Variants in NKAIN2 observed in about 807,000 individuals in gnomAD.
The protein encoded by NKAIN2 is sodium/potassium transporting ATPase interacting 2.
In NKAIN2, 14 loss-of-function variants were observed where a neutral mutation model predicts 32.6. The ratio of observed to expected loss-of-function variants is 0.43; its 90% CI spans 0.28 to 0.67. NKAIN2 has a LOEUF of 0.67. Among genes scored for constraint, NKAIN2 ranks in the 30% least tolerant of loss-of-function variants. The pLI, the probability that NKAIN2 is intolerant of heterozygous loss-of-function variation, is 0.17. For missense variants in NKAIN2, 198 were observed against 258.3 expected, an observed-to-expected ratio of 0.77 and a Z score of 1.60; for synonymous variants, 80 against 87.2, an observed-to-expected ratio of 0.92 and a Z score of 0.46.
At chr6:124,019,589 A>AT (rs113571628) in intron 1 of NKAIN2, among the ~76,000 whole-genome samples, 1 of 152,070 alleles carries the variant, frequency 6.6e-6, no homozygotes, top group Admixed American at 6.6e-5. Context: ...TTTTTCTGCC[A>AT]TTTTTTTGCA....
intron 4 of NKAIN2, among the ~76,000 whole-genome samples, chr6:124,704,133 G>T (rs767947570): frequency 6.6e-6 from 1 of 151,652 alleles, no homozygotes; most frequent in Non-Finnish European, 1.5e-5. Context: ...TATAAGAAGA[G>T]GCTCACTAAC....
intron 1 of NKAIN2, among the ~76,000 whole-genome samples, chr6:124,029,624 T>C (rs1781314793): frequency 6.6e-6 from 1 of 151,912 alleles, no homozygotes; most frequent in Non-Finnish European, 1.5e-5. Flanking sequence ...AGAAGTGAGG[T>C]TTAGTATTAA....
intron 1 of NKAIN2, among the ~76,000 whole-genome samples, chr6:124,195,946 G>C (rs1790293784): frequency 6.6e-6 from 1 of 151,744 alleles, no homozygotes; most frequent in South Asian, 2.1e-4. Flanking sequence ...ACTGATATTA[G>C]CCCAATTTTC....
intron 1 of NKAIN2, among the ~76,000 whole-genome samples, chr6:123,827,501 A>C (rs1321863612): frequency 1.3e-5 from 2 of 152,192 alleles, no homozygotes; most frequent in Non-Finnish European, 2.9e-5. Context: ...TAAATTCAGC[A>C]TCAGCCAGTA....
chr6:124,603,221 C>T (rs757538363), intron 3 of NKAIN2, among the ~76,000 whole-genome samples: 1 of 151,906 alleles, frequency 6.6e-6, no homozygotes, highest in Non-Finnish European at 1.5e-5. Context: ...TTCATGCATC[C>T]TAGTATTTTC....
At chr6:124,264,381 CAAT>C (rs549648000) in intron 1 of NKAIN2, among the ~76,000 whole-genome samples, 166 of 152,174 alleles carry the variant, frequency 1.1e-3, no homozygotes, top group Non-Finnish European at 1.2e-3. Context: ...GTATGGAAAA[CAAT>C]AAGCCATAGT....
chr6:124,255,186 G>T (rs535194251), intron 1 of NKAIN2, among the ~76,000 whole-genome samples: 1 of 152,256 alleles, frequency 6.6e-6, no homozygotes, highest in South Asian at 2.1e-4. Flanking sequence ...ATATTTTAGT[G>T]CTGTGATAAA....
At chr6:123,974,121 G>A (rs1778451256) in intron 1 of NKAIN2, among the ~76,000 whole-genome samples, 1 of 152,084 alleles carries the variant, frequency 6.6e-6, no homozygotes, top group African/African-American at 2.4e-5. Context: ...ATCAGAATGA[G>A]AACATCCTAA....
chr6:124,164,121 A>T (rs1788410758), intron 1 of NKAIN2, among the ~76,000 whole-genome samples: 1 of 152,142 alleles, frequency 6.6e-6, no homozygotes, highest in African/African-American at 2.4e-5. Flanking sequence ...GTGAAAACTC[A>T]AAAGTTAGAA....
chr6:124,772,384 G>A (rs1328086612), intron 4 of NKAIN2, among the ~76,000 whole-genome samples: 1 of 152,148 alleles, frequency 6.6e-6, no homozygotes, highest in Admixed American at 6.5e-5. Context: ...AGTTAAGGGG[G>A]AAGAGGACTC....
At chr6:124,721,151 T>C (rs1775996217) in intron 4 of NKAIN2, among the ~76,000 whole-genome samples, 1 of 151,998 alleles carries the variant, frequency 6.6e-6, no homozygotes. Context: ...GCGCGGTGGC[T>C]CACGCCTGTA....
At chr6:124,094,541 A>C (rs1157471347) in intron 1 of NKAIN2, among the ~76,000 whole-genome samples, 1 of 152,170 alleles carries the variant, frequency 6.6e-6, no homozygotes, top group African/African-American at 2.4e-5. Context: ...TGAGGTAAGA[A>C]GAGTAAAGAA....
At chr6:124,595,576 T>G (rs978470499) in intron 3 of NKAIN2, among the ~76,000 whole-genome samples, 1 of 152,218 alleles carries the variant, frequency 6.6e-6, no homozygotes, top group Non-Finnish European at 1.5e-5. Flanking sequence ...AGCTTGTCTC[T>G]AGATATCCTC....
At chr6:124,806,702 TA>T (rs1306407390) in intron 5 of NKAIN2, among the ~76,000 whole-genome samples, 1 of 151,960 alleles carries the variant, frequency 6.6e-6, no homozygotes, top group Non-Finnish European at 1.5e-5. Context: ...GCAAATTGGA[TA>T]AAGAGTCAAG....
chr6:124,184,537 C>T (rs938627355), intron 1 of NKAIN2, among the ~76,000 whole-genome samples: 37 of 152,104 alleles, frequency 2.4e-4, no homozygotes, highest in Admixed American at 4.6e-4. Flanking sequence ...TATCTTGGTA[C>T]AGCACTGAGT....
intron 3 of NKAIN2, among the ~76,000 whole-genome samples, chr6:124,612,787 G>C (rs998831164): frequency 2.6e-5 from 4 of 152,122 alleles, no homozygotes; most frequent in Admixed American, 1.3e-4. Flanking sequence ...AAATCTTAAA[G>C]AGCAAATAGT....
At chr6:123,836,786 T>C (rs1191564273) in intron 1 of NKAIN2, among the ~76,000 whole-genome samples, 6 of 152,244 alleles carry the variant, frequency 3.9e-5, no homozygotes, top group Middle Eastern at 3.4e-3. Context: ...TTAGGGGAAG[T>C]GTGGTGAAGG....
chr6:124,140,062 A>G (rs1171170716), intron 1 of NKAIN2, among the ~76,000 whole-genome samples: 2 of 152,194 alleles, frequency 1.3e-5, no homozygotes, highest in South Asian at 2.1e-4. Context: ...GAGAAGTGCA[A>G]ACTTCATAAG....
chr6:123,846,128 A>G (rs1480840747), intron 1 of NKAIN2, among the ~76,000 whole-genome samples: 1 of 152,058 alleles, frequency 6.6e-6, no homozygotes, highest in Non-Finnish European at 1.5e-5. Context: ...TGCCCTATTA[A>G]AGTGTTAAAC....
Sources: allele counts gnomAD v4.1 joint callset (sites outside exome capture counted in the v4.1 genomes callset), GRCh38; gene constraint gnomAD v4.1.1; transcripts MANE v1.5; gene names NCBI Gene and HGNC (gene_info 2026-07-23, HGNC 2026-07-21).